TNRC18: variants seen among roughly 807,000 people sequenced by gnomAD.
The protein encoded by TNRC18 is trinucleotide repeat containing 18.
Under a neutral mutation model 226.7 loss-of-function variants are expected in TNRC18, and 69 were observed. The observed-to-expected ratio is 0.30, with a 90% confidence interval of 0.25 to 0.37. The LOEUF (loss-of-function observed/expected upper bound fraction) is 0.37, where lower values mean the gene tolerates loss of function less well. Among genes scored for constraint, TNRC18 ranks in the 10% least tolerant of loss-of-function variants. The pLI is 1.00. For synonymous variants in TNRC18, 2,449 were observed against 1,927.6 expected, an observed-to-expected ratio of 1.27 and a Z score of -7.09; for missense variants, 4,754 against 4,256.6, an observed-to-expected ratio of 1.12 and a Z score of -3.25.
chr7:5,383,927 G>A (rs1249538176), intron 5 of TNRC18, among the ~76,000 whole-genome samples: 2 of 149,600 alleles, frequency 1.3e-5, no homozygotes, highest in African/African-American at 2.5e-5. Flanking sequence ...TAAGTAGCTG[G>A]GACTACAGGC....
At chr7:5,345,517 G>GGGGCGCGCCCCCCCCCCCCCCCC in intron 18 of TNRC18, 45 bp downstream of exon 18, 1 of 377,744 alleles carries the variant, frequency 2.6e-6, no homozygotes, top group Non-Finnish European at 4.8e-6. Context: ...AATGGCGTCC[G>GGGGCGCGCCCCCCCCCCCCCCCC]CCCCTCCCAC....
At chr7:5,351,492 G>A (rs928380891) in intron 17 of TNRC18, among the ~76,000 whole-genome samples, 1 of 64,256 alleles carries the variant, frequency 1.6e-5, no homozygotes, top group East Asian at 4.8e-4. Flanking sequence ...GGGGTGGGGG[G>A]AACTCGGGGG....
Position 5,320,416 on chromosome 7 carries a change from A to G in TNRC18, c.6647T>C (p.Val2216Ala), listed in dbSNP as rs1415694324. 6.4e-7 allele frequency: 1 copy of G among 1,561,804 alleles called. No homozygotes were observed. Among genetic ancestry groups the G allele is most frequent in the Admixed American group, 1.9e-5 (1 of 52,032 alleles). The change falls in exon 24 of 30, where the codon GTG becomes GCG. Residue 2216 changes from valine to alanine, a missense_variant. Transcript: ENST00000430969. ...EQLLQEAIID[V>A]RPASTRFLPQ... ...CAAGAAGCGAGTGGAGGCTGGCCTC[A>G]CATCGATGATCTAGAAGGGCATGGG...
chr7:5,348,551 G>A (rs1791445172), intron 17 of TNRC18, among the ~76,000 whole-genome samples: 1 of 151,180 alleles, frequency 6.6e-6, no homozygotes, highest in Admixed American at 6.6e-5. Context: ...CAGAGGTTCT[G>A]TCTACTCATG....
chr7:5,388,741 G>A lies in TNRC18; in HGVS notation c.1083C>T (p.Arg361=), dbSNP rs1267894626. The A allele has an allele frequency of 4.0e-6, 5 of 1,253,512 alleles. No individual in the cohort carries two copies. Among genetic ancestry groups the A allele is most frequent in the Non-Finnish European group, 3.0e-6 (3 of 997,274 alleles). The allele number at this position is 1,253,512 out of a possible 1,614,324, so 77.6% of individuals were successfully genotyped here. ...ATPAGVYTVF[R]EQGREHRVVA... is the part of the protein sequence containing the mutation. Reference sequence around the variant, plus strand: ...CCACGCGGTGCTCACGGCCCTGCTCGCGGAAGACGGTGTAGACGCCGGCGG... The same window carrying A: ...CCACGCGGTGCTCACGGCCCTGCTCACGGAAGACGGTGTAGACGCCGGCGG... Residue 361 remains arginine (R), a synonymous_variant, in exon 5 of 30, where the codon CGC becomes CGT. Coordinates refer to ENST00000430969, the MANE Select transcript of TNRC18 (RefSeq NM_001080495.3).
intron 17 of TNRC18, among the ~76,000 whole-genome samples, chr7:5,346,275 G>A (rs926715782): frequency 1.2e-4 from 19 of 152,204 alleles, no homozygotes; most frequent in African/African-American, 4.3e-4. Context: ...ACAGGTGCCT[G>A]TGGCAGCTTC....
chr7:5,324,492 T>C lies in TNRC18; in HGVS notation c.6301-137A>G. ...TCATGTGCATGGCAGGGATCCCAGTTAGGGGCACCCCAGAGGCCAGGGGGA... is the reference window on the plus strand; with the variant it reads ...TCATGTGCATGGCAGGGATCCCAGTCAGGGGCACCCCAGAGGCCAGGGGGA... On this transcript the variant is annotated intron_variant, in intron 20 of 29. Transcript: ENST00000430969. This position sits in a 1 kb window ranked among gnomAD's most constrained non-coding sequence, Gnocchi z 4.8. 5 of 1,257,410 alleles carry C rather than the reference T, an allele frequency of 4.0e-6. No homozygotes were observed. Among genetic ancestry groups the C allele is most frequent in the Non-Finnish European group, 5.5e-6 (5 of 913,720 alleles). 77.9% of individuals were successfully genotyped at this position (1,257,410 alleles called of 1,614,324 possible).
chr7:5,358,334 A>C (rs534995696), intron 15 of TNRC18, among the ~76,000 whole-genome samples: 2 of 152,220 alleles, frequency 1.3e-5, no homozygotes, highest in Non-Finnish European at 2.9e-5. Flanking sequence ...TGAACATTTT[A>C]TCTCTATTTT....
intron 16 of TNRC18, among the ~76,000 whole-genome samples, chr7:5,355,067 GAACA>G (rs1279154850): frequency 6.6e-6 from 1 of 152,184 alleles, no homozygotes; most frequent in Non-Finnish European, 1.5e-5. Flanking sequence ...GGGATTCCCA[GAACA>G]AACACCACTG....
chr7:5,320,260 A>T (rs1462016881), intron 24 of TNRC18, 58 bp downstream of exon 24: 4 of 1,409,162 alleles, frequency 2.8e-6, no homozygotes, highest in Non-Finnish European at 2.9e-6. Context: ...TTAGTAGCCA[A>T]ACAAGTCCAT....
chr7:5,372,099 G>A (rs1000274785), intron 10 of TNRC18, among the ~76,000 whole-genome samples: 2 of 149,648 alleles, frequency 1.3e-5, no homozygotes, highest in African/African-American at 2.5e-5. Context: ...ACGCAGTCTC[G>A]CTCTGTCACC....
chr7:5,377,799 C>T lies in TNRC18; in HGVS notation c.2255+123G>A, dbSNP rs1161106930. 15 of 1,056,266 alleles carry T rather than the reference C, an allele frequency of 1.4e-5. No homozygotes were observed. Among genetic ancestry groups the T allele is most frequent in the Admixed American group, 2.3e-5 (1 of 44,060 alleles). 65.4% of individuals were successfully genotyped at this position (1,056,266 alleles called of 1,614,324 possible). A position where few individuals can be genotyped will look rare whatever the true frequency, so the allele number is the denominator to read the frequency against. On this transcript the variant is annotated intron_variant, in intron 6 of 29. Transcript: ENST00000430969. This position sits in a 1 kb window ranked among gnomAD's most constrained non-coding sequence, Gnocchi z 5.8. Reference sequence around the variant, plus strand: ...CGATGCTGAGGACCAGAGTGACTCCCGCTCTCAGTACCATAGCATCCATGG... The same window carrying T: ...CGATGCTGAGGACCAGAGTGACTCCTGCTCTCAGTACCATAGCATCCATGG...
At chr7:5,339,229 C>CTTTTTTTTTTTT (rs199794938) in intron 18 of TNRC18, among the ~76,000 whole-genome samples, 3 of 142,598 alleles carry the variant, frequency 2.1e-5, no homozygotes, top group Non-Finnish European at 3.0e-5. Context: ...CTTTTTTTTT[C>CTTTTTTTTTTTT]TTTTTTTTTT....
At chr7:5,321,558 C>T (rs1344033952) in intron 21 of TNRC18, among the ~76,000 whole-genome samples, 1 of 152,178 alleles carries the variant, frequency 6.6e-6, no homozygotes, top group African/African-American at 2.4e-5. Context: ...GGGTGCCAGC[C>T]ATCACCGGAC....
Position 5,323,695 on chromosome 7 carries a change from G to A in TNRC18, c.6442+519C>T, listed in dbSNP as rs577653114. ...TGATTCTCCTGCCCCAGCCTCCCGG[G>A]TAGCTGGGATTACAGGCGCCCGCCA... On this transcript the variant is annotated intron_variant, in intron 21 of 29. Transcript: ENST00000430969. Among the ~76,000 whole-genome samples the A allele has an allele frequency of 1.7e-4, 26 of 151,714 alleles. 3 individuals carry two copies. The highest frequency in any genetic ancestry group is 5.8e-4 in the African/African-American group (24 of 41,356).
chr7:5,389,347 G>A lies in TNRC18; in HGVS notation c.488-11C>T. On this transcript the variant is annotated splice_polypyrimidine_tract_variant and intron_variant, in intron 4 of 29. Coordinates refer to ENST00000430969, the MANE Select transcript of TNRC18 (RefSeq NM_001080495.3). Reference sequence around the variant, plus strand: ...GCAGGTAGAAACCGTCTGCGGAGAAGGGAACAGCAGGCAGTGAGCGAGCGC... The same window carrying A: ...GCAGGTAGAAACCGTCTGCGGAGAAAGGAACAGCAGGCAGTGAGCGAGCGC... 5 of 1,265,338 alleles carry A rather than the reference G, an allele frequency of 4.0e-6. No individual in the cohort carries two copies. The highest frequency in any genetic ancestry group is 5.0e-6 in the Non-Finnish European group (5 of 1,006,244). 78.4% of individuals were successfully genotyped at this position (1,265,338 alleles called of 1,614,324 possible).
At position 5,342,610 on chromosome 7, in the gene TNRC18, G is replaced by A. The variant is rs182131472; in HGVS notation, c.5719+2952C>T. On this transcript the variant is annotated intron_variant, in intron 18 of 29. Coordinates refer to ENST00000430969, the MANE Select transcript of TNRC18 (RefSeq NM_001080495.3). ...AATGTCATGAGACATTTGAAAAGAT[G>A]AGGAGCTGCTTTTTATGGAGGAGCA... is the stretch of plus-strand genomic sequence containing the variant. Among the ~76,000 whole-genome samples the A allele has an allele frequency of 2.3e-3, 354 of 152,290 alleles. 1 individual carries two copies. The highest frequency in any genetic ancestry group is 8.2e-3 in the African/African-American group (341 of 41,568).
intron 11 of TNRC18, among the ~76,000 whole-genome samples, chr7:5,368,985 T>A (rs949481348): frequency 6.6e-6 from 1 of 151,954 alleles, no homozygotes; most frequent in African/African-American, 2.4e-5. Flanking sequence ...AGGCAACACA[T>A]CCCAGATCAA....
chr7:5,405,273 C>T (rs955341195), intron 2 of TNRC18, among the ~76,000 whole-genome samples: 3 of 152,052 alleles, frequency 2.0e-5, no homozygotes, highest in African/African-American at 7.2e-5. Flanking sequence ...ACTAAAAATA[C>T]AAAAGTTAGC....
Sources: gnomAD v4.1 joint callset for allele counts (sites outside exome capture counted in the v4.1 genomes callset) on GRCh38, gnomAD v4.1.1 for gene constraint, Gnocchi (gnomAD v3.1) non-coding constraint, MANE v1.5 for transcripts, NCBI Gene and HGNC (gene_info 2026-07-23, HGNC 2026-07-21) for gene names.